The following TANC2 variants were observed in gnomAD, a reference collection of about 807,000 sequenced individuals.
TANC2 encodes tetratricopeptide repeat, ankyrin repeat and coiled-coil containing 2.
TANC2 carries 26 observed loss-of-function variants against 210.5 expected under a neutral mutation model. The ratio of observed to expected loss-of-function variants is 0.12; its 90% CI spans 0.09 to 0.17. The LOEUF (loss-of-function observed/expected upper bound fraction) is 0.17. Ranked by LOEUF, TANC2 falls within the 10% of genes least tolerant of loss-of-function variation. The pLI is 1.00. For synonymous variants in TANC2, 931 were observed against 967.1 expected (o/e 0.96, Z 0.69); for missense variants, 2,129 against 2,608.9 (o/e 0.82, Z 4.01).
At chr17:63,351,480 G>C in intron 13 of TANC2, 64 bp downstream of exon 13, 1 of 1,386,904 alleles carries the variant, frequency 7.2e-7, no homozygotes, top group Middle Eastern at 1.9e-4. Flanking sequence ...GACTGAAAAA[G>C]TTCTAGGTCC....
intron 3 of TANC2, among the ~76,000 whole-genome samples, chr17:63,098,282 A>G (rs190283927): frequency 1.1e-3 from 161 of 152,106 alleles, no homozygotes; most frequent in African/African-American, 3.7e-3. Context: ...ATTTAATTTT[A>G]TGGGAAATAT....
exon 9 of TANC2, chr17:63,267,785 G>A (rs1190537165): frequency 1.9e-6 from 3 of 1,612,930 alleles, no homozygotes; most frequent in Non-Finnish European, 2.5e-6. Flanking sequence ...TTGCTTACCT[G>A]GATGAGCAGA....
intron 9 of TANC2, among the ~76,000 whole-genome samples, chr17:63,285,800 C>G (rs1460081411): frequency 6.6e-6 from 1 of 152,108 alleles, no homozygotes; most frequent in East Asian, 1.9e-4. Flanking sequence ...CATACAGACC[C>G]CCACCTTGCC....
At chr17:63,278,166 A>G (rs986449541) in intron 9 of TANC2, among the ~76,000 whole-genome samples, 2 of 152,166 alleles carry the variant, frequency 1.3e-5, no homozygotes, top group Admixed American at 6.6e-5. Flanking sequence ...AAGGAGAAGG[A>G]TAAGGAGAAG....
chr17:63,064,261 G>C (rs1256766432), intron 2 of TANC2, among the ~76,000 whole-genome samples: 1 of 152,018 alleles, frequency 6.6e-6, no homozygotes, highest in Admixed American at 6.6e-5. Flanking sequence ...TTTGAGACCA[G>C]CCTGAGCAAC....
rs35801082 is a variant in TANC2, at chr17:63,374,032, G to GTTTTTTT, written c.2583-5670_2583-5664dup. Among the ~76,000 whole-genome samples, 28 of 93,524 alleles carry GTTTTTTT rather than the reference G, an allele frequency of 3.0e-4. 1 individual carries two copies. Among genetic ancestry groups the GTTTTTTT allele is most frequent in the Middle Eastern group, 7.2e-3 (1 of 138 alleles). 61.4% of individuals were successfully genotyped at this position (93,524 alleles called of 152,430 possible). ...TATTTTGATTTTTCAGTTGTTGTTG[G>GTTTTTTT]TTTTTTTTTTTTTTTTTTTTTTGAG... On this transcript the variant is annotated intron_variant, in intron 14 of 27. Coordinates refer to ENST00000689528, the Ensembl canonical transcript of TANC2.
chr17:63,308,872 A>G lies in TANC2; in HGVS notation c.1160-5516A>G, dbSNP rs550896768. On this transcript the variant is annotated intron_variant, in intron 9 of 27. Transcript: ENST00000689528. ...TTTTTAAAAAATAGCTAATATTCCT[A>G]TTGAAAAATTTTTTTAAAAAAATTA... 2.8e-3 allele frequency among the ~76,000 whole-genome samples: 430 copies of G among 152,210 alleles called. 2 individuals carry two copies. Among genetic ancestry groups the G allele is most frequent in the Non-Finnish European group, 4.8e-3 (326 of 68,002 alleles).
At chr17:63,360,135 G>A (rs2046915265) in intron 14 of TANC2, among the ~76,000 whole-genome samples, 1 of 152,124 alleles carries the variant, frequency 6.6e-6, no homozygotes, top group South Asian at 2.1e-4. Flanking sequence ...GAATAGATGG[G>A]GTTGAAATGA....
At chr17:63,266,396 GAATGAACAGATTAACAAATGAATATCAGT>G (rs1377188329) in intron 8 of TANC2, among the ~76,000 whole-genome samples, 2 of 151,990 alleles carry the variant, frequency 1.3e-5, no homozygotes, top group Admixed American at 1.3e-4. Context: ...TTTGTTAAAT[GAATGAACAGATTAACAAATGAATATCAGT>G]ACCCAATGTC....
chr17:63,054,893 C>A (rs946963286), intron 2 of TANC2, among the ~76,000 whole-genome samples: 1 of 152,098 alleles, frequency 6.6e-6, no homozygotes, highest in Non-Finnish European at 1.5e-5. Flanking sequence ...GTTTTAATAA[C>A]CTCCACCCCT....
At chr17:63,373,481 G>T (rs2147036201) in intron 14 of TANC2, among the ~76,000 whole-genome samples, 1 of 152,106 alleles carries the variant, frequency 6.6e-6, no homozygotes, top group African/African-American at 2.4e-5. Context: ...TGTGGTAATT[G>T]AACTAGATTT....
chr17:63,093,214 T>C (rs961056999), intron 3 of TANC2, among the ~76,000 whole-genome samples: 1 of 151,898 alleles, frequency 6.6e-6, no homozygotes, highest in African/African-American at 2.4e-5. Flanking sequence ...AATTTTATAG[T>C]TTTATAGTTT....
rs1442828798 is a variant in TANC2 at position 63,412,356 on chromosome 17, T to A, written c.3898+226T>A. ...CCACGTGGTTCTCTACCATGTCCCT[T>A]GTAGCCTTAGCCAGGAGGCTGCTCT... On this transcript the variant is annotated intron_variant, in intron 23 of 27. Transcript: ENST00000689528. This position sits in a 1 kb window ranked among gnomAD's most constrained non-coding sequence, Gnocchi z 4.2. Among the ~76,000 whole-genome samples, 1 of 152,200 alleles carries A rather than the reference T, an allele frequency of 6.6e-6. No homozygotes were observed. Among genetic ancestry groups the A allele is most frequent in the Non-Finnish European group, 1.5e-5 (1 of 68,024 alleles).
At chr17:62,986,759 C>T (rs1039777149) in intron 1 of TANC2, among the ~76,000 whole-genome samples, 2 of 152,090 alleles carry the variant, frequency 1.3e-5, no homozygotes, top group Non-Finnish European at 2.9e-5. Context: ...CTGGCAAGGG[C>T]AGCCTGTGGG....
intron 2 of TANC2, among the ~76,000 whole-genome samples, chr17:63,036,293 G>A (rs1700603891): frequency 6.6e-6 from 1 of 152,096 alleles, no homozygotes; most frequent in Non-Finnish European, 1.5e-5. Context: ...TTTATATAAA[G>A]TGTGAGGTTA....
intron 4 of TANC2, among the ~76,000 whole-genome samples, chr17:63,133,263 C>G (rs760771437): frequency 1.3e-5 from 2 of 151,846 alleles, no homozygotes; most frequent in Non-Finnish European, 2.9e-5. Flanking sequence ...TGTGCCACCA[C>G]GCCTGGCTAA....
At chr17:63,304,792 G>A (rs571205810) in intron 9 of TANC2, among the ~76,000 whole-genome samples, 22 of 152,266 alleles carry the variant, frequency 1.4e-4, no homozygotes, top group African/African-American at 1.9e-4. Context: ...TGGAGTTGTT[G>A]GAGTTCCTGC....
At chr17:62,997,265 G>A (rs1313848418) in intron 1 of TANC2, among the ~76,000 whole-genome samples, 1 of 151,934 alleles carries the variant, frequency 6.6e-6, no homozygotes, top group Non-Finnish European at 1.5e-5. Context: ...AGCTTCCTGA[G>A]TAGCTGGGAC....
At chr17:63,176,206 G>T (rs552816495) in intron 5 of TANC2, among the ~76,000 whole-genome samples, 1 of 152,162 alleles carries the variant, frequency 6.6e-6, no homozygotes, top group Admixed American at 6.6e-5. Flanking sequence ...TTTCCAAAGA[G>T]AAATTAAAAT....
Sources: allele counts gnomAD v4.1 joint callset (sites outside exome capture counted in the v4.1 genomes callset), GRCh38; gene constraint gnomAD v4.1.1; non-coding constraint Gnocchi (gnomAD v3.1); transcripts MANE v1.5; gene names NCBI Gene and HGNC (gene_info 2026-07-23, HGNC 2026-07-21).